DDX60L: variants seen among roughly 807,000 people sequenced by gnomAD.
DDX60L encodes the protein DExD/H-box 60 like, also known as probable ATP-dependent RNA helicase DDX60-like.
DDX60L carries 191 observed loss-of-function variants against 211.6 expected under a neutral mutation model. The ratio of observed to expected loss-of-function variants is 0.90; its 90% CI spans 0.80 to 1.02. DDX60L has a LOEUF of 1.02. Ranked by LOEUF, DDX60L falls within the 50% of genes least tolerant of loss-of-function variation. DDX60L has a pLI of 0.00. For missense variants in DDX60L, 2,007 were observed against 1,984.1 expected (o/e 1.01, Z -0.22); for synonymous variants, 706 against 694.1 (o/e 1.02, Z -0.27).
intron 6 of DDX60L, among the ~76,000 whole-genome samples, chr4:168,457,086 T>C (rs1756665647): frequency 6.6e-6 from 1 of 151,690 alleles, no homozygotes; most frequent in African/African-American, 2.4e-5. Context: ...CATGGTGGCA[T>C]ATGCCTGTGG....
At chr4:168,446,551 G>T (rs7658777) in intron 9 of DDX60L, among the ~76,000 whole-genome samples, 1 of 152,104 alleles carries the variant, frequency 6.6e-6, no homozygotes, top group East Asian at 1.9e-4. Context: ...ATACGGAACC[G>T]AAAAAGAGAC....
rs1213912811 is a variant in DDX60L, at chr4:168,423,643, A to C, written c.2062T>G (p.Phe688Val). The C allele has an allele frequency of 1.3e-6, 2 of 1,594,158 alleles. No individual in the cohort carries two copies. Among genetic ancestry groups the C allele is most frequent in the Admixed American group, 1.8e-5 (1 of 56,522 alleles). ...TCCAAAGAGTTTGCCAGATCATTAA[A>C]GCCTAAATATTTAAGGCATTTAGCT... Reference protein sequence around the residue: ...YIAKCLKYLGFNDLANSLDPT... With the variant: ...YIAKCLKYLGVNDLANSLDPT... Residue 688 changes from phenylalanine to valine, a missense_variant, in exon 15 of 38, where the codon TTT becomes GTT. Physicochemically the swap from Phe to Val is conservative, Grantham distance 50 (BLOSUM62 -1). Transcript: ENST00000682922.
At chr4:168,448,047 C>G (rs1242549360) in intron 9 of DDX60L, among the ~76,000 whole-genome samples, 1 of 151,766 alleles carries the variant, frequency 6.6e-6, no homozygotes, top group East Asian at 1.9e-4. Flanking sequence ...AAGGAGTTTA[C>G]AGAATATGGA....
At chr4:168,421,526 G>A (rs183430808) in intron 17 of DDX60L, among the ~76,000 whole-genome samples, 33 of 152,180 alleles carry the variant, frequency 2.2e-4, no homozygotes, top group Admixed American at 1.9e-3. Context: ...ATGGCAGCAC[G>A]TGCCTATAAT....
At chr4:168,474,026 C>T (rs534206724) in intron 1 of DDX60L, among the ~76,000 whole-genome samples, 3 of 152,218 alleles carry the variant, frequency 2.0e-5, no homozygotes, top group South Asian at 4.1e-4. Flanking sequence ...GTGTGACAGG[C>T]GCTGCACTTG....
At chr4:168,431,248 G>GT (rs1310890397) in intron 12 of DDX60L, among the ~76,000 whole-genome samples, 7 of 152,134 alleles carry the variant, frequency 4.6e-5, no homozygotes, top group Non-Finnish European at 1.0e-4. Context: ...TTCCCAGGAA[G>GT]CAAGGCTAGA....
At chr4:168,414,829 C>G (rs1749265962) in intron 22 of DDX60L, among the ~76,000 whole-genome samples, 1 of 151,222 alleles carries the variant, frequency 6.6e-6, no homozygotes, top group South Asian at 2.1e-4. Context: ...TGCATGGAGA[C>G]AGAGAGTAGA....
chr4:168,461,993 C>T lies in DDX60L; in HGVS notation c.312G>A (p.Arg104=), dbSNP rs1242790109. Residue 104 remains arginine, a synonymous_variant, in exon 5 of 38, where the codon AGG becomes AGA. Transcript: ENST00000682922. The part of the protein sequence containing the change: ...YFDFPELLSL[R]TALILHLQHN... ...GTTGAAGGTGGAGAATTAAAGCGGT[C>T]CTCAATGAAAGAAGTTCAGGAAAAT... 1.2e-6 allele frequency: 2 copies of T among 1,611,734 alleles called. No individual in the cohort carries two copies. Among genetic ancestry groups the T allele is most frequent in the African/African-American group, 2.7e-5 (2 of 74,818 alleles).
chr4:168,361,328 C>T, intron 36 of DDX60L, 117 bp from the exon 37 acceptor site: 2 of 635,342 alleles, frequency 3.1e-6, no homozygotes, highest in Non-Finnish European at 5.6e-6. Context: ...AATGCACTCC[C>T]AGTTAAGCAT....
intron 37 of DDX60L, among the ~76,000 whole-genome samples, chr4:168,359,183 G>A (rs888416040): frequency 2.6e-5 from 4 of 152,122 alleles, no homozygotes; most frequent in Non-Finnish European, 5.9e-5. Flanking sequence ...CTCTAGAGCA[G>A]AGTTTCAGTT....
intron 24 of DDX60L, among the ~76,000 whole-genome samples, chr4:168,405,433 G>C (rs573988458): frequency 5.6e-4 from 86 of 152,274 alleles, no homozygotes; most frequent in African/African-American, 2.0e-3. Flanking sequence ...TTGCTTCTCA[G>C]CATAGCCACC....
intron 35 of DDX60L, among the ~76,000 whole-genome samples, chr4:168,372,513 C>T (rs1741199095): frequency 1.3e-5 from 2 of 151,006 alleles, no homozygotes; most frequent in Admixed American, 1.3e-4. Flanking sequence ...ATTGCTTGGG[C>T]CCAGGAGTTC....
chr4:168,465,466 T>TA (rs1757867362), intron 4 of DDX60L, among the ~76,000 whole-genome samples: 1 of 152,188 alleles, frequency 6.6e-6, no homozygotes, highest in African/African-American at 2.4e-5. Context: ...CTGTTGATTA[T>TA]TTCCTTTCCT....
chr4:168,379,435 GT>G lies in DDX60L; in HGVS notation c.4290del (p.Glu1430AspfsTer8). ...AAATTTACAAAAACAAGATTTGAAG[GT>G]TCATGACCATGCAAATATGATGCAA... ...AGLASYLHGH[E>X]PSNLVFVNFL... On this transcript the variant is annotated frameshift_variant, in exon 32 of 38. Coordinates refer to ENST00000682922, the MANE Select transcript of DDX60L (RefSeq NM_001012967.3). LOFTEE classifies it high-confidence loss of function. 6.2e-7 allele frequency: 1 copy of G among 1,603,906 alleles called. No homozygotes were observed.
chr4:168,378,841 G>T (rs1046965251), intron 32 of DDX60L, among the ~76,000 whole-genome samples: 2 of 151,978 alleles, frequency 1.3e-5, no homozygotes, highest in African/African-American at 2.4e-5. Context: ...AACCTTTGAG[G>T]GTATCTCAAC....
chr4:168,418,981 A>G (rs755027965), intron 19 of DDX60L, among the ~76,000 whole-genome samples: 4 of 152,226 alleles, frequency 2.6e-5, no homozygotes, highest in Non-Finnish European at 4.4e-5. Context: ...TCAAAGAGAC[A>G]TATCTATAGA....
chr4:168,468,401 G>A (rs1250054084), intron 4 of DDX60L, among the ~76,000 whole-genome samples: 1 of 151,984 alleles, frequency 6.6e-6, no homozygotes, highest in Non-Finnish European at 1.5e-5. Context: ...GTGTATCAGA[G>A]TTTCCATAAA....
At chr4:168,471,657 T>C (rs148841419) in intron 4 of DDX60L, 90 bp downstream of exon 4, 5 of 1,014,324 alleles carry the variant, frequency 4.9e-6, no homozygotes, top group African/African-American at 1.7e-5. Context: ...TATGATGACA[T>C]GCTTCATTTT....
chr4:168,397,688 A>G (rs570627746), intron 26 of DDX60L, among the ~76,000 whole-genome samples: 22 of 152,342 alleles, frequency 1.4e-4, no homozygotes, highest in African/African-American at 5.1e-4. Flanking sequence ...ATGTACGACA[A>G]TCTAACTAAA....
Sources: allele counts gnomAD v4.1 joint callset (sites outside exome capture counted in the v4.1 genomes callset), GRCh38; gene constraint gnomAD v4.1.1; transcripts MANE v1.5; gene names NCBI Gene and HGNC (gene_info 2026-07-23, HGNC 2026-07-21).